TENM4: variants seen among roughly 807,000 people sequenced by gnomAD.
The protein encoded by TENM4 is teneurin-4.
TENM4 carries 82 observed loss-of-function variants against 243.3 expected under a neutral mutation model. That is an observed-to-expected ratio of 0.34 (90% confidence interval 0.28 to 0.40). The LOEUF is 0.40. Ranked by LOEUF, TENM4 falls within the 10% of genes least tolerant of loss-of-function variation. TENM4 has a pLI of 1.00. For missense variants in TENM4, 3,138 were observed against 3,673.3 expected (o/e 0.85, Z 3.77); for synonymous variants, 1,412 against 1,456.3 (o/e 0.97, Z 0.69).
chr11:79,071,485 G>A (rs1039342788), intron 4 of TENM4, among the ~76,000 whole-genome samples: 16 of 151,798 alleles, frequency 1.1e-4, no homozygotes, highest in African/African-American at 3.4e-4. Flanking sequence ...TGTCTGGGGG[G>A]TGGGGGTGTC....
At chr11:79,302,985 T>C (rs1401433412) in intron 1 of TENM4, among the ~76,000 whole-genome samples, 4 of 152,168 alleles carry the variant, frequency 2.6e-5, no homozygotes, top group African/African-American at 7.2e-5. Flanking sequence ...GGGCCTATTA[T>C]GGAGGGCTTA....
chr11:79,311,861 T>C (rs1393046701), intron 1 of TENM4, among the ~76,000 whole-genome samples: 1 of 152,174 alleles, frequency 6.6e-6, no homozygotes, highest in African/African-American at 2.4e-5. Flanking sequence ...ACTTAAGCCC[T>C]TGCAGCCTTC....
At chr11:78,736,733 G>A (rs1855806900) in intron 20 of TENM4, among the ~76,000 whole-genome samples, 1 of 152,180 alleles carries the variant, frequency 6.6e-6, no homozygotes. Context: ...GATACTAAGA[G>A]AACAATTGAT....
At chr11:79,255,768 A>G (rs1855691082) in intron 2 of TENM4, among the ~76,000 whole-genome samples, 1 of 152,252 alleles carries the variant, frequency 6.6e-6, no homozygotes, top group Non-Finnish European at 1.5e-5. Context: ...TGTCCCTAAC[A>G]CAATCTTGTT....
chr11:78,996,231 G>A (rs1441025243), intron 6 of TENM4, among the ~76,000 whole-genome samples: 2 of 152,292 alleles, frequency 1.3e-5, no homozygotes, highest in Admixed American at 6.5e-5. Context: ...CTAGCTCTGG[G>A]CCCACACCCT....
intron 6 of TENM4, among the ~76,000 whole-genome samples, chr11:78,987,262 T>C (rs1351360185): frequency 6.6e-6 from 1 of 152,162 alleles, no homozygotes; most frequent in Non-Finnish European, 1.5e-5. Context: ...GGTGAACTGA[T>C]ACATAAATTG....
rs764967851 is a variant in TENM4 at position 78,854,241 on chromosome 11, C to T, written c.1544G>A (p.Arg515His). The change falls in exon 12 of 34, where the codon CGC becomes CAC. Residue 515 changes from arginine (R) to histidine (H), a missense_variant. Arg to His is a conservative substitution (Grantham distance 29, BLOSUM62 0). This residue lies in a region of TENM4 where 2,467 missense variants were observed against 3,059.1 expected (regional missense o/e 0.81). Coordinates refer to ENST00000278550, the MANE Select transcript of TENM4 (RefSeq NM_001098816.3). ...QEARSLEGTPRQSRGTVPPSS... is the reference protein window; with the variant it reads ...QEARSLEGTPHQSRGTVPPSS... ...GGGGGGCACAGTTCCCCGAGACTGG[C>T]GCGGGGTCCCCTCTAGGCTCCGCGC... 2.6e-5 allele frequency: 40 copies of T among 1,550,934 alleles called. No homozygotes were observed. Among genetic ancestry groups the T allele is most frequent in the Middle Eastern group, 3.3e-4 (2 of 6,010 alleles).
intron 4 of TENM4, among the ~76,000 whole-genome samples, chr11:79,124,465 A>T (rs1861820875): frequency 6.6e-6 from 1 of 152,068 alleles, no homozygotes; most frequent in Admixed American, 6.6e-5. Flanking sequence ...TCCTGGCCTC[A>T]AAAATCGGAC....
intron 1 of TENM4, among the ~76,000 whole-genome samples, chr11:79,312,932 C>T (rs1187358204): frequency 2.6e-5 from 4 of 152,198 alleles, no homozygotes; most frequent in East Asian, 1.9e-4. Flanking sequence ...TAAGCTGACA[C>T]GGGAAGGCTG....
intron 4 of TENM4, among the ~76,000 whole-genome samples, chr11:79,124,847 A>G (rs1263298778): frequency 7.0e-6 from 1 of 143,670 alleles, no homozygotes; most frequent in African/African-American, 2.6e-5. Context: ...ATATATATAC[A>G]CATATGTATA....
rs898257900 is a variant in TENM4, at chr11:79,042,554, C to G, written c.493+22184G>C. 2.0e-5 allele frequency among the ~76,000 whole-genome samples: 3 copies of G among 152,338 alleles called. 1 individual carries two copies. The South Asian group carries it at 6.2e-4, about 32-fold the overall frequency. ...GCAGAGGGCAAGCCCTCACCAGAAA[C>G]TGAATCTGTTGGTGCCTTGATCTTG... On this transcript the variant is annotated intron_variant, in intron 6 of 33. Coordinates refer to ENST00000278550, the MANE Select transcript of TENM4 (RefSeq NM_001098816.3).
intron 3 of TENM4, among the ~76,000 whole-genome samples, chr11:79,178,390 T>C (rs1329139309): frequency 6.6e-6 from 1 of 151,920 alleles, no homozygotes; most frequent in Non-Finnish European, 1.5e-5. Context: ...TTGTATAAGA[T>C]CTCCCAGGGA....
chr11:79,382,772 G>C (rs1473903396), intron 1 of TENM4, among the ~76,000 whole-genome samples: 1 of 152,092 alleles, frequency 6.6e-6, no homozygotes, highest in Middle Eastern at 3.2e-3. Flanking sequence ...CTGGCTTCAA[G>C]CCTGAGAAAT....
intron 20 of TENM4, among the ~76,000 whole-genome samples, chr11:78,733,404 G>A (rs1466511959): frequency 3.9e-5 from 6 of 152,092 alleles, no homozygotes; most frequent in Non-Finnish European, 7.4e-5. Context: ...CTCTATGATG[G>A]TCTCCAGGCC....
chr11:78,808,712 T>C (rs1857438564), intron 14 of TENM4, among the ~76,000 whole-genome samples: 1 of 152,178 alleles, frequency 6.6e-6, no homozygotes, highest in Non-Finnish European at 1.5e-5. Flanking sequence ...TAGAGCAATG[T>C]GGAGGATTAA....
chr11:78,906,617 G>A (rs942954711), intron 6 of TENM4, among the ~76,000 whole-genome samples: 1 of 152,228 alleles, frequency 6.6e-6, no homozygotes, highest in Non-Finnish European at 1.5e-5. Flanking sequence ...ATGGGGACAA[G>A]GAATGTTCTG....
intron 6 of TENM4, among the ~76,000 whole-genome samples, chr11:79,042,215 G>T (rs934856980): frequency 4.6e-5 from 7 of 152,156 alleles, no homozygotes; most frequent in Non-Finnish European, 8.8e-5. Flanking sequence ...GGATTTAGAG[G>T]TTCCACAGGT....
intron 11 of TENM4, among the ~76,000 whole-genome samples, chr11:78,855,594 G>A (rs183171609): frequency 9.8e-5 from 15 of 152,318 alleles, no homozygotes; most frequent in Middle Eastern, 6.8e-3. Context: ...AACTTGCTCT[G>A]AGAAGCTAAG....
At chr11:78,829,905 C>G (rs1264138164) in intron 12 of TENM4, among the ~76,000 whole-genome samples, 1 of 152,178 alleles carries the variant, frequency 6.6e-6, no homozygotes, top group African/African-American at 2.4e-5. Context: ...TTTGTGACAA[C>G]AGGATAAGAG....
Sources: gnomAD v4.1 joint callset for allele counts (sites outside exome capture counted in the v4.1 genomes callset) on GRCh38, gnomAD v4.1.1 for gene constraint, gnomAD v4.1.1 regional missense constraint, MANE v1.5 for transcripts, NCBI Gene and HGNC (gene_info 2026-07-23, HGNC 2026-07-21) for gene names.